SCAMP1: variants seen among roughly 807,000 people sequenced by gnomAD.
SCAMP1 encodes secretory carrier membrane protein 1.
In SCAMP1, 15 loss-of-function variants were observed where a neutral mutation model predicts 41.8. The ratio of observed to expected loss-of-function variants is 0.36; its 90% CI spans 0.24 to 0.55. The LOEUF (loss-of-function observed/expected upper bound fraction) is 0.55, where lower values mean the gene tolerates loss of function less well. Ranked by LOEUF, SCAMP1 falls within the 20% of genes least tolerant of loss-of-function variation. The pLI is 0.86. For missense variants in SCAMP1, 341 were observed against 412.6 expected (o/e 0.83, Z 1.50); for synonymous variants, 135 against 136.8 (o/e 0.99, Z 0.09).
At position 78,416,606 on chromosome 5, in the gene SCAMP1, A is replaced by G; in HGVS notation, c.300A>G (p.Glu100=). The G allele has an allele frequency of 6.3e-7, 1 of 1,599,080 alleles. No individual in the cohort carries two copies. The highest frequency in any genetic ancestry group is 8.5e-7 in the Non-Finnish European group (1 of 1,172,512). The change falls in exon 4 of 9, where the codon GAA becomes GAG. Residue 100 remains glutamate, a synonymous_variant. Coordinates refer to ENST00000621999, the MANE Select transcript of SCAMP1 (RefSeq NM_004866.6). The part of the protein sequence containing the change: ...RQEELERKAA[E]LDRREREMQN... ...AAGAACTAGAAAGAAAAGCCGCAGA[A>G]TTAGATCGTCGGGAACGAGAAATGC...
At chr5:78,451,810 C>T (rs984365661) in intron 7 of SCAMP1, among the ~76,000 whole-genome samples, 2 of 152,032 alleles carry the variant, frequency 1.3e-5, no homozygotes, top group Non-Finnish European at 2.9e-5. Context: ...GCCTGCCACC[C>T]AGCCCAGCTA....
chr5:78,441,482 A>G (rs1752923188), intron 6 of SCAMP1, among the ~76,000 whole-genome samples: 1 of 152,344 alleles, frequency 6.6e-6, no homozygotes, highest in Admixed American at 6.5e-5. Flanking sequence ...AGGACCATCA[A>G]GAGAATTAAT....
chr5:78,378,327 CTTGATTAGTTATATAAG>C (rs1451661740), intron 1 of SCAMP1, among the ~76,000 whole-genome samples: 5 of 152,130 alleles, frequency 3.3e-5, no homozygotes, highest in Non-Finnish European at 5.9e-5. Context: ...GGAGACTGAG[CTTGATTAGTTATATAAG>C]TTGATTGAGT....
At chr5:78,471,539 T>A (rs2112254650) in intron 8 of SCAMP1, among the ~76,000 whole-genome samples, 1 of 152,304 alleles carries the variant, frequency 6.6e-6, no homozygotes, top group South Asian at 2.1e-4. Context: ...ATGACAGGGA[T>A]CTTAATAAAA....
intron 6 of SCAMP1, among the ~76,000 whole-genome samples, chr5:78,446,685 T>C (rs1236079655): frequency 1.3e-5 from 2 of 152,168 alleles, no homozygotes; most frequent in African/African-American, 2.4e-5. Context: ...ATTATAAAAA[T>C]AGCATTTTAT....
At chr5:78,418,636 A>G (rs909443131) in intron 4 of SCAMP1, 139 bp from the exon 5 acceptor site, 19 of 601,930 alleles carry the variant, frequency 3.2e-5, no homozygotes, top group South Asian at 7.5e-5. Context: ...TCAGAGTTCT[A>G]GGAATACAAA....
intron 2 of SCAMP1, among the ~76,000 whole-genome samples, chr5:78,390,719 A>G (rs1168340334): frequency 6.8e-6 from 1 of 148,060 alleles, no homozygotes; most frequent in Non-Finnish European, 1.5e-5. Flanking sequence ...TGGCAGGGTC[A>G]TAGGACAATA....
chr5:78,450,522 G>A (rs1325094148), intron 7 of SCAMP1, among the ~76,000 whole-genome samples: 5 of 152,118 alleles, frequency 3.3e-5, no homozygotes, highest in African/African-American at 9.7e-5. Flanking sequence ...TTAAACAATC[G>A]AATCATTCTC....
At chr5:78,391,451 C>G (rs553007715) in intron 2 of SCAMP1, among the ~76,000 whole-genome samples, 4 of 150,664 alleles carry the variant, frequency 2.7e-5, no homozygotes, top group Admixed American at 6.6e-5. Context: ...GCTGGCCTGG[C>G]GGGGGCTGAC....
chr5:78,448,100 T>C lies in SCAMP1; in HGVS notation c.633-1833T>C, dbSNP rs56389975. Among the ~76,000 whole-genome samples the C allele has an allele frequency of 7.6e-4, 3 of 3,948 alleles. 1 individual carries two copies. Among genetic ancestry groups the C allele is most frequent in the African/African-American group, 5.0e-3 (2 of 398 alleles). 2.6% of individuals were successfully genotyped at this position (3,948 alleles called of 152,430 possible). On this transcript the variant is annotated intron_variant, in intron 6 of 8. Transcript: ENST00000621999. ...CTCCTTTCCCCCTCCCCCTTCCCCC[T>C]ACTCCACTACTGCTACTACTACTTC...
At chr5:78,380,025 C>A (rs1751159415) in intron 1 of SCAMP1, among the ~76,000 whole-genome samples, 1 of 152,136 alleles carries the variant, frequency 6.6e-6, no homozygotes, top group Admixed American at 6.5e-5. Flanking sequence ...AACATAAACA[C>A]ACATTCATTT....
At chr5:78,451,292 T>C (rs1753219252) in intron 7 of SCAMP1, among the ~76,000 whole-genome samples, 1 of 152,210 alleles carries the variant, frequency 6.6e-6, no homozygotes, top group African/African-American at 2.4e-5. Context: ...CATACAATCA[T>C]AATAAATAAC....
At chr5:78,472,565 G>GC in intron 8 of SCAMP1, among the ~76,000 whole-genome samples, 1 of 152,096 alleles carries the variant, frequency 6.6e-6, no homozygotes, top group East Asian at 1.9e-4. Flanking sequence ...CTTTCATGGG[G>GC]CCCTGAAATC....
chr5:78,412,270 C>T (rs891921525), intron 2 of SCAMP1, among the ~76,000 whole-genome samples: 3 of 151,906 alleles, frequency 2.0e-5, no homozygotes, highest in African/African-American at 4.8e-5. Flanking sequence ...ATTTCTTTCC[C>T]CTCATCTTTT....
intron 6 of SCAMP1, among the ~76,000 whole-genome samples, chr5:78,431,002 A>G (rs1752606637): frequency 6.6e-6 from 1 of 151,996 alleles, no homozygotes; most frequent in East Asian, 1.9e-4. Context: ...AGTATGATCT[A>G]AGGACTCTTG....
chr5:78,445,059 TC>T (rs1753020589), intron 6 of SCAMP1, among the ~76,000 whole-genome samples: 1 of 152,134 alleles, frequency 6.6e-6, no homozygotes, highest in South Asian at 2.1e-4. Context: ...TTAACTTGTG[TC>T]CCCCCATCTT....
At chr5:78,364,132 G>C (rs867631017) in intron 1 of SCAMP1, among the ~76,000 whole-genome samples, 1 of 152,208 alleles carries the variant, frequency 6.6e-6, no homozygotes, top group Non-Finnish European at 1.5e-5. Flanking sequence ...AAGTGTCTCT[G>C]TCCTTATGGC....
chr5:78,385,268 G>A (rs970010564), intron 1 of SCAMP1, among the ~76,000 whole-genome samples: 1 of 151,920 alleles, frequency 6.6e-6, no homozygotes, highest in African/African-American at 2.4e-5. Flanking sequence ...AATGATCTTT[G>A]TATTTCTGTG....
At chr5:78,393,489 T>C (rs1751569991) in intron 2 of SCAMP1, among the ~76,000 whole-genome samples, 2 of 152,192 alleles carry the variant, frequency 1.3e-5, no homozygotes, top group African/African-American at 4.8e-5. Flanking sequence ...TTTTATAACT[T>C]ATATATTCAC....
Sources: gnomAD v4.1 joint callset for allele counts (sites outside exome capture counted in the v4.1 genomes callset) on GRCh38, gnomAD v4.1.1 for gene constraint, MANE v1.5 for transcripts, NCBI Gene and HGNC (gene_info 2026-07-23, HGNC 2026-07-21) for gene names.